The following HLTF variants were observed in gnomAD, a reference collection of about 807,000 sequenced individuals.
The protein encoded by HLTF is helicase like transcription factor.
HLTF carries 127 observed loss-of-function variants against 129.4 expected under a neutral mutation model. The observed-to-expected ratio is 0.98, with a 90% CI of 0.85 to 1.14. HLTF has a LOEUF of 1.14. Ranked by LOEUF, HLTF falls within the 50% of genes most tolerant of loss-of-function variation. The probability of loss-of-function intolerance (pLI) is 0.00; values close to 1 mark genes in which losing one functional copy is unlikely to be tolerated. For missense variants in HLTF, 1,139 were observed against 1,187.1 expected (o/e 0.96, Z 0.60); for synonymous variants, 332 against 388.8 (o/e 0.85, Z 1.72).
In HLTF at chr3:149,071,301, T is replaced by C. The variant is rs752586644; in HGVS notation, c.845A>G (p.Asp282Gly). 1.9e-6 allele frequency: 3 copies of C among 1,609,992 alleles called. 1 individual carries two copies. The highest frequency in any genetic ancestry group is 2.2e-5 in the South Asian group (2 of 90,032). ...YNTITNFSEKDRPENVHGGIL... is the reference protein window; with the variant it reads ...YNTITNFSEKGRPENVHGGIL... ...TCCTCCATGGACATTTTCTGGTCGG[T>C]CCTTCTCAGAAAAATTTGTTATTGT... The change falls in exon 7 of 25, where the codon GAC (aspartate) becomes GGC (glycine). Residue 282 changes from aspartate (D) to glycine (G), a missense_variant. Coordinates refer to ENST00000310053, the MANE Select transcript of HLTF (RefSeq NM_003071.4).
rs373807149 is a variant in HLTF at position 149,060,071 on chromosome 3, G to A, written c.1286-264C>T. 1.4e-4 allele frequency among the ~76,000 whole-genome samples: 21 copies of A among 152,118 alleles called. No individual in the cohort carries two copies. In the East Asian group the frequency reaches 3.9e-3, roughly 28 times the overall value. The stretch of plus-strand genomic sequence containing the variant: ...GGAGCAGTCATATGCAAAGTAATTC[G>A]GCTCTCAGGTGGAAGGAGAATTTTT... On this transcript the variant is annotated intron_variant, in intron 12 of 24. Coordinates refer to ENST00000310053, the MANE Select transcript of HLTF (RefSeq NM_003071.4).
intron 24 of HLTF, among the ~76,000 whole-genome samples, chr3:149,032,957 C>CAAAA (rs67952189): frequency 1.0e-4 from 7 of 67,680 alleles, no homozygotes; most frequent in African/African-American, 2.3e-4. Flanking sequence ...AGCGACGTCT[C>CAAAA]AAAAAAAAAA....
intron 12 of HLTF, 72 bp downstream of exon 12, chr3:149,060,571 G>A (rs1408037042): frequency 5.8e-6 from 7 of 1,205,512 alleles, no homozygotes; most frequent in African/African-American, 4.6e-5. Context: ...CCAACCTAGC[G>A]AGATACAAAT....
At chr3:149,042,718 C>T (rs904774420) in intron 18 of HLTF, among the ~76,000 whole-genome samples, 1 of 152,020 alleles carries the variant, frequency 6.6e-6, no homozygotes, top group Non-Finnish European at 1.5e-5. Context: ...CATACAGGTG[C>T]ACTGTATTTT....
intron 2 of HLTF, among the ~76,000 whole-genome samples, chr3:149,080,586 A>G (rs924258097): frequency 6.6e-6 from 1 of 152,194 alleles, no homozygotes; most frequent in African/African-American, 2.4e-5. Flanking sequence ...CAAATCCTAG[A>G]AAATACATAA....
At chr3:149,084,912 A>G in intron 1 of HLTF, 23 bp from the exon 2 acceptor site, 1 of 1,524,342 alleles carries the variant, frequency 6.6e-7, no homozygotes, top group East Asian at 2.3e-5. Flanking sequence ...AAAGGCAAAG[A>G]AAAACAATAT....
chr3:149,074,441 C>T, intron 3 of HLTF, 93 bp from the exon 4 acceptor site: 3 of 1,212,160 alleles, frequency 2.5e-6, no homozygotes, highest in South Asian at 3.8e-5. Context: ...GTATCATTTA[C>T]ATTTTACATT....
intron 2 of HLTF, among the ~76,000 whole-genome samples, chr3:149,081,768 A>T (rs1285347787): frequency 6.6e-6 from 1 of 152,222 alleles, no homozygotes. Flanking sequence ...CAGAGCACCA[A>T]CTTAAAACAA....
intron 2 of HLTF, among the ~76,000 whole-genome samples, chr3:149,079,093 A>C (rs1388826146): frequency 6.6e-6 from 1 of 152,146 alleles, no homozygotes; most frequent in African/African-American, 2.4e-5. Flanking sequence ...AGGAACAAAA[A>C]AATGACACAC....
Position 149,071,604 on chromosome 3 carries a change from G to A in HLTF, c.681C>T (p.Thr227=). The A allele has an allele frequency of 6.3e-7, 1 of 1,596,798 alleles. No individual in the cohort carries two copies. The highest frequency in any genetic ancestry group is 8.6e-7 in the Non-Finnish European group (1 of 1,167,288). ...LFEDLKEDDK[T]HEMEPAEAIE... ...ATACCTCAGCTGGTTCCATTTCATG[G>A]GTTTTATCATCTTCTTTTAAATCTT... Residue 227 remains threonine (T), a synonymous_variant, in exon 6 of 25, where the codon ACC becomes ACT. Coordinates refer to ENST00000310053, the MANE Select transcript of HLTF (RefSeq NM_003071.4).
At chr3:149,044,640 T>C (rs535616199) in intron 18 of HLTF, among the ~76,000 whole-genome samples, 1 of 152,250 alleles carries the variant, frequency 6.6e-6, no homozygotes, top group Admixed American at 6.5e-5. Context: ...CATCCTATGA[T>C]CAATGTGTCC....
chr3:149,074,476 T>C, intron 3 of HLTF, 128 bp from the exon 4 acceptor site: 1 of 788,660 alleles, frequency 1.3e-6, no homozygotes, highest in Non-Finnish European at 1.9e-6. Context: ...AGGAACTAGT[T>C]GGGCAGACTT....
At chr3:149,064,134 G>A (rs2108025865) in intron 9 of HLTF, among the ~76,000 whole-genome samples, 2 of 151,552 alleles carry the variant, frequency 1.3e-5, no homozygotes, top group South Asian at 4.2e-4. Context: ...TCCTTCTACT[G>A]CTAACTCATC....
rs1413780878 is a variant in HLTF at position 149,034,867 on chromosome 3, T to C, written c.2877+51A>G. ...ATATATTCATGCATTACTTGCTTAA[T>C]TGTAAAAATCGTATCAACCTAGTCT... On this transcript the variant is annotated intron_variant, in intron 24 of 24. Transcript: ENST00000310053. 4.1e-6 allele frequency: 5 copies of C among 1,205,990 alleles called. No homozygotes were observed. In the African/African-American group the frequency reaches 4.5e-5, roughly 11 times the overall value. 74.7% of individuals were successfully genotyped at this position (1,205,990 alleles called of 1,614,324 possible).
In HLTF at chr3:149,071,407, C is replaced by T; in HGVS notation, c.739G>A (p.Ala247Thr). 6.2e-7 allele frequency: 1 copy of T among 1,613,538 alleles called. No homozygotes were observed. Among genetic ancestry groups the T allele is most frequent in the Non-Finnish European group, 8.5e-7 (1 of 1,179,846 alleles). ...ETPLLPHQKQALAWMVSRENS... is the reference protein window; with the variant it reads ...ETPLLPHQKQTLAWMVSRENS... The stretch of plus-strand genomic sequence containing the variant: ...TCCCGTGACACCATCCAAGCTAGAG[C>T]TTGTTTTTGATGTGGAAGCAGTGGT... The change falls in exon 7 of 25, where the codon GCT (alanine) becomes ACT (threonine). Residue 247 changes from alanine to threonine, a missense_variant. Physicochemically the swap from Ala to Thr is moderately conservative, Grantham distance 58. Coordinates refer to ENST00000310053, the MANE Select transcript of HLTF (RefSeq NM_003071.4).
At chr3:149,050,863 GAACA>G (rs1483934761) in intron 14 of HLTF, among the ~76,000 whole-genome samples, 1 of 152,032 alleles carries the variant, frequency 6.6e-6, no homozygotes, top group East Asian at 1.9e-4. Flanking sequence ...TAAAAATGAA[GAACA>G]AATAATCATC....
chr3:149,081,910 A>G (rs1373134564), intron 2 of HLTF, among the ~76,000 whole-genome samples: 1 of 152,240 alleles, frequency 6.6e-6, no homozygotes, highest in African/African-American at 2.4e-5. Flanking sequence ...AACACATCAT[A>G]CCACCAAACC....
Position 149,071,502 on chromosome 3 carries a change from T to C in HLTF, c.703-59A>G, listed in dbSNP as rs552364147. 2.0e-6 allele frequency: 3 copies of C among 1,481,016 alleles called. No individual in the cohort carries two copies. In the African/African-American group the frequency reaches 4.2e-5, roughly 21 times the overall value. The allele number at this position is 1,481,016 out of a possible 1,614,324, so 91.7% of individuals were successfully genotyped here. On this transcript the variant is annotated intron_variant, in intron 6 of 24. Transcript: ENST00000310053. ...AAGCCATTCCTTTTTCACATGCAGA[T>C]CCTGTGATTAAACAAAAAGTAGATT...
chr3:149,050,536 G>A (rs1351372841), intron 14 of HLTF, among the ~76,000 whole-genome samples, 161 bp from the exon 15 acceptor site: 1 of 151,960 alleles, frequency 6.6e-6, no homozygotes, highest in Non-Finnish European at 1.5e-5. Flanking sequence ...ATAACAATAA[G>A]AAAAATGACA....
Sources: gnomAD v4.1 joint callset for allele counts (sites outside exome capture counted in the v4.1 genomes callset) on GRCh38, gnomAD v4.1.1 for gene constraint, MANE v1.5 for transcripts, NCBI Gene and HGNC (gene_info 2026-07-23, HGNC 2026-07-21) for gene names.